The following ABTB2 variants were observed in gnomAD, a reference collection of about 807,000 sequenced individuals.
The protein encoded by ABTB2 is ankyrin repeat and BTB domain containing 2.
In ABTB2, 56 loss-of-function variants were observed where a neutral mutation model predicts 104.1. The ratio of observed to expected loss-of-function variants is 0.54; its 90% CI spans 0.43 to 0.67. ABTB2 has a LOEUF of 0.67. Ranked by LOEUF, ABTB2 falls within the 30% of genes least tolerant of loss-of-function variation. The pLI, the probability that ABTB2 is intolerant of heterozygous loss-of-function variation, is 0.00. For synonymous variants in ABTB2, 606 were observed against 608.2 expected, an observed-to-expected ratio of 1.00 and a Z score of 0.05; for missense variants, 1,279 against 1,407.7, an observed-to-expected ratio of 0.91 and a Z score of 1.46.
chr11:34,294,889 A>T (rs117247679), intron 1 of ABTB2, among the ~76,000 whole-genome samples: 12,701 of 151,108 alleles, frequency 0.084, 749 homozygotes, highest in Middle Eastern at 0.18. Flanking sequence ...ATTTTTTTTT[A>T]ATTTTTAGTA....
At chr11:34,296,027 G>A (rs1854619861) in intron 1 of ABTB2, among the ~76,000 whole-genome samples, 1 of 152,176 alleles carries the variant, frequency 6.6e-6, no homozygotes, top group South Asian at 2.1e-4. Context: ...AGCTACTTAG[G>A]AGGCTAAGGC....
intron 1 of ABTB2, among the ~76,000 whole-genome samples, chr11:34,259,435 C>T (rs1040218802): frequency 6.6e-6 from 1 of 152,232 alleles, no homozygotes; most frequent in African/African-American, 2.4e-5. Context: ...ACCACAGAAA[C>T]TTGCAAACGA....
intron 1 of ABTB2, among the ~76,000 whole-genome samples, chr11:34,211,713 G>T (rs11032553): frequency 0.15 from 23,092 of 151,470 alleles, 1,880 homozygotes; most frequent in East Asian, 0.27. Flanking sequence ...GTCCAACATG[G>T]TGAAAATACA....
intron 1 of ABTB2, among the ~76,000 whole-genome samples, chr11:34,238,119 C>G (rs1051886273): frequency 2.0e-5 from 3 of 152,142 alleles, no homozygotes; most frequent in African/African-American, 7.2e-5. Flanking sequence ...TATATTATCT[C>G]CCATACTCCC....
At chr11:34,179,890 G>A (rs968983368) in intron 3 of ABTB2, among the ~76,000 whole-genome samples, 5 of 152,170 alleles carry the variant, frequency 3.3e-5, no homozygotes, top group South Asian at 2.1e-4. Context: ...CACCTCTCCC[G>A]GTCTCAGTTG....
intron 1 of ABTB2, among the ~76,000 whole-genome samples, chr11:34,257,536 T>C (rs1342106732): frequency 2.0e-5 from 3 of 152,316 alleles, no homozygotes; most frequent in East Asian, 3.9e-4. Flanking sequence ...AACACAGTAG[T>C]CACTAACCCA....
At chr11:34,302,632 G>A (rs569973142) in intron 1 of ABTB2, among the ~76,000 whole-genome samples, 1 of 152,342 alleles carries the variant, frequency 6.6e-6, no homozygotes, top group South Asian at 2.1e-4. Flanking sequence ...CCTTGAATGA[G>A]TCAGTGTTTG....
intron 1 of ABTB2, among the ~76,000 whole-genome samples, chr11:34,345,502 T>C (rs1855319777): frequency 1.3e-5 from 2 of 152,138 alleles, no homozygotes; most frequent in South Asian, 2.1e-4. Context: ...ACAGAACTCC[T>C]GGCCTCTCCC....
chr11:34,309,485 G>A (rs1448942478), intron 1 of ABTB2, among the ~76,000 whole-genome samples: 1 of 152,172 alleles, frequency 6.6e-6, no homozygotes, highest in Non-Finnish European at 1.5e-5. Flanking sequence ...CAACACCAGA[G>A]GCAGTGCTGG....
At chr11:34,213,519 G>A (rs1323539577) in intron 1 of ABTB2, among the ~76,000 whole-genome samples, 2 of 152,076 alleles carry the variant, frequency 1.3e-5, no homozygotes, top group African/African-American at 4.8e-5. Context: ...CCACAAGTGT[G>A]GCAAATTTGG....
At chr11:34,174,596 TG>T (rs992815112) in intron 3 of ABTB2, among the ~76,000 whole-genome samples, 2 of 152,140 alleles carry the variant, frequency 1.3e-5, no homozygotes, top group African/African-American at 4.8e-5. Flanking sequence ...CAGATTCAGC[TG>T]GGGGGCGGGG....
rs999746805 is a variant in ABTB2, at chr11:34,249,209, C to T, written c.884-44519G>A. On this transcript the variant is annotated intron_variant, in intron 1 of 16. Transcript: ENST00000435224. ...ACTTGCACCCTCGTGAATGCGCAGCCTTGAGGGGAGCTGGGGTCAATGGGA... is the reference window on the plus strand; with the variant it reads ...ACTTGCACCCTCGTGAATGCGCAGCTTTGAGGGGAGCTGGGGTCAATGGGA... Among the ~76,000 whole-genome samples the T allele has an allele frequency of 2.0e-5, 3 of 152,314 alleles. No homozygotes were observed. In the South Asian group the frequency reaches 6.2e-4, roughly 32 times the overall value.
chr11:34,333,291 T>C lies in ABTB2; in HGVS notation c.883+23410A>G, dbSNP rs531372755. Among the ~76,000 whole-genome samples the C allele has an allele frequency of 2.0e-5, 3 of 152,308 alleles. No individual in the cohort carries two copies. In the South Asian group the frequency reaches 6.2e-4, roughly 32 times the overall value. Reference sequence around the variant, plus strand: ...TCCTAGGCAGGAGTGTTTTAAATCTTGATCTTGACCTGGGTAAGTTACATA... The same window carrying C: ...TCCTAGGCAGGAGTGTTTTAAATCTCGATCTTGACCTGGGTAAGTTACATA... On this transcript the variant is annotated intron_variant, in intron 1 of 16. Coordinates refer to ENST00000435224, the MANE Select transcript of ABTB2 (RefSeq NM_145804.3).
At chr11:34,286,736 C>T (rs1338376750) in intron 1 of ABTB2, among the ~76,000 whole-genome samples, 1 of 152,210 alleles carries the variant, frequency 6.6e-6, no homozygotes, top group African/African-American at 2.4e-5. Flanking sequence ...CTGCTCTTCT[C>T]ATCATTCCCA....
intron 3 of ABTB2, among the ~76,000 whole-genome samples, chr11:34,178,532 T>G (rs1852984322): frequency 6.6e-6 from 1 of 152,360 alleles, no homozygotes; most frequent in African/African-American, 2.4e-5. Context: ...TGAGAATGAC[T>G]GATGTGTGCA....
intron 1 of ABTB2, among the ~76,000 whole-genome samples, chr11:34,266,897 GTATGA>G (rs1163899218): frequency 3.3e-5 from 5 of 151,778 alleles, no homozygotes; most frequent in Admixed American, 3.3e-4. Context: ...GGCGGGGGAG[GTATGA>G]TAAATGGACA....
rs1852540975 is a variant in ABTB2, at chr11:34,151,689, G to C, written c.*698C>G. ...ACTTAGCTCAGAAACCATCAAGCTG[G>C]GGAACTGCCCTCTGCTGCTAACTGA... On this transcript the variant is annotated 3_prime_UTR_variant, in exon 17 of 17. Coordinates refer to ENST00000435224, the MANE Select transcript of ABTB2 (RefSeq NM_145804.3). The C allele has an allele frequency of 6.6e-6, 1 of 152,330 alleles. No homozygotes were observed. The highest frequency in any genetic ancestry group is 1.5e-5 in the Non-Finnish European group (1 of 68,214). The allele number at this position is 152,330 out of a possible 1,614,324, so 9.4% of individuals were successfully genotyped here. A position where few individuals can be genotyped will look rare whatever the true frequency, so the allele number is the denominator to read the frequency against.
At chr11:34,324,394 T>C (rs1423066469) in intron 1 of ABTB2, among the ~76,000 whole-genome samples, 1 of 152,228 alleles carries the variant, frequency 6.6e-6, no homozygotes, top group Non-Finnish European at 1.5e-5. Context: ...GAATTCTTTC[T>C]TCTGAGCCTG....
chr11:34,203,332 G>C (rs1853367755), intron 2 of ABTB2, among the ~76,000 whole-genome samples: 1 of 152,250 alleles, frequency 6.6e-6, no homozygotes, highest in Non-Finnish European at 1.5e-5. Context: ...CTTGCACACA[G>C]AAGGCGCTCA....
Sources: gnomAD v4.1 joint callset for allele counts (sites outside exome capture counted in the v4.1 genomes callset) on GRCh38, gnomAD v4.1.1 for gene constraint, MANE v1.5 for transcripts, NCBI Gene and HGNC (gene_info 2026-07-23, HGNC 2026-07-21) for gene names.